The following KCTD5 variants were observed in gnomAD, a reference collection of about 807,000 sequenced individuals.
KCTD5 encodes the protein BTB/POZ domain-containing protein KCTD5.
Under a neutral mutation model 27.9 loss-of-function variants are expected in KCTD5, and 12 were observed. The ratio of observed to expected loss-of-function variants is 0.43; its 90% CI spans 0.28 to 0.70. The LOEUF (loss-of-function observed/expected upper bound fraction) is 0.70. KCTD5 is among the 30% of genes least tolerant of loss of function. The probability of loss-of-function intolerance (pLI) is 0.19; values close to 1 mark genes in which losing one functional copy is unlikely to be tolerated. For missense variants in KCTD5, 226 were observed against 274.8 expected, an observed-to-expected ratio of 0.82 and a Z score of 1.26; for synonymous variants, 147 against 121.4, an observed-to-expected ratio of 1.21 and a Z score of -1.39.
At chr16:2,704,764 C>T (rs1356258869) in intron 5 of KCTD5, among the ~76,000 whole-genome samples, 1 of 152,216 alleles carries the variant, frequency 6.6e-6, no homozygotes, top group Non-Finnish European at 1.5e-5. Context: ...CCCCACCCTC[C>T]CTCCTGCAGC....
intron 5 of KCTD5, among the ~76,000 whole-genome samples, chr16:2,703,569 C>T (rs752997052): frequency 4.5e-4 from 68 of 152,300 alleles, no homozygotes; most frequent in South Asian, 1.7e-3. Context: ...TGAGCCTCTC[C>T]GAGTAGGCCT....
chr16:2,684,788 A>C (rs938425882), intron 1 of KCTD5: 7 of 152,038 alleles, frequency 4.6e-5, no homozygotes, highest in African/African-American at 1.7e-4. Context: ...TAAAAAAAAA[A>C]TAAGCCAGGT....
intron 3 of KCTD5, among the ~76,000 whole-genome samples, chr16:2,698,392 C>T (rs1259240463): frequency 4.6e-5 from 7 of 152,208 alleles, no homozygotes; most frequent in East Asian, 1.9e-4. Context: ...GCAGATGGGT[C>T]GTGTGGGTCT....
rs865817391 is a variant in KCTD5, at chr16:2,688,295, G to C, written c.252+5495G>C. Among the ~76,000 whole-genome samples the C allele has an allele frequency of 7.2e-4, 108 of 150,424 alleles. 3 individuals carry two copies. Among genetic ancestry groups the C allele is most frequent in the Admixed American group, 4.6e-4 (7 of 15,094 alleles). On this transcript the variant is annotated intron_variant, in intron 1 of 5. Transcript: ENST00000301738. ...AGACGGAGTCTTGCTCTGTCCCCCAGGCTGGAGTGTGGTGGGGTGATCTCG... is the reference window on the plus strand; with the variant it reads ...AGACGGAGTCTTGCTCTGTCCCCCACGCTGGAGTGTGGTGGGGTGATCTCG...
Position 2,699,057 on chromosome 16 carries a change from G to A in KCTD5, c.454-764G>A, listed in dbSNP as rs368735694. The A allele has an allele frequency of 2.0e-5, 9 of 447,970 alleles. No individual in the cohort carries two copies. The East Asian group carries it at 2.1e-4, about 10-fold the overall frequency. 27.7% of individuals were successfully genotyped at this position (447,970 alleles called of 1,614,324 possible). A position where few individuals can be genotyped will look rare whatever the true frequency, so the allele number is the denominator to read the frequency against. ...TCGGGCATGTGACCTCGAGGCCACT[G>A]TGTGCCTTTGTCACTCAGGCATCCC... On this transcript the variant is annotated intron_variant, in intron 3 of 5. Transcript: ENST00000301738.
At chr16:2,706,604 T>G (rs906771671) in intron 5 of KCTD5, among the ~76,000 whole-genome samples, 2 of 147,580 alleles carry the variant, frequency 1.4e-5, no homozygotes, top group African/African-American at 5.0e-5. Context: ...AGGGGGTTCC[T>G]GGACACTGGT....
At chr16:2,693,674 C>A (rs1394824432) in intron 1 of KCTD5, among the ~76,000 whole-genome samples, 1 of 152,212 alleles carries the variant, frequency 6.6e-6, no homozygotes, top group South Asian at 2.1e-4. Context: ...TGTCTGGGGG[C>A]GCCCAGCACG....
chr16:2,705,765 G>A (rs562755526), intron 5 of KCTD5, among the ~76,000 whole-genome samples: 21 of 152,312 alleles, frequency 1.4e-4, no homozygotes, highest in South Asian at 6.2e-4. Context: ...ATGGCCTAGG[G>A]AGACAGTGTG....
intron 4 of KCTD5, among the ~76,000 whole-genome samples, chr16:2,701,802 G>A (rs569017992): frequency 6.6e-6 from 1 of 152,350 alleles, no homozygotes; most frequent in East Asian, 1.9e-4. Context: ...CAGATGCCTG[G>A]CCAGAGAGAC....
chr16:2,696,540 C>T (rs540007711), intron 2 of KCTD5, among the ~76,000 whole-genome samples: 190 of 152,092 alleles, frequency 1.2e-3, no homozygotes, highest in African/African-American at 4.5e-3. Context: ...GGTGCAGGGA[C>T]GGCGCCCACA....
chr16:2,699,332 G>A (rs1374858344), intron 3 of KCTD5: 1 of 416,508 alleles, frequency 2.4e-6, no homozygotes, highest in Non-Finnish European at 4.9e-6. Flanking sequence ...TTAGGAGGTG[G>A]ATGGAGTTTT....
chr16:2,689,699 G>C (rs1281591567), intron 1 of KCTD5, among the ~76,000 whole-genome samples: 1 of 149,710 alleles, frequency 6.7e-6, no homozygotes, highest in Non-Finnish European at 1.5e-5. Flanking sequence ...TTTTTTTTGA[G>C]ACAGAGGCTC....
intron 2 of KCTD5, among the ~76,000 whole-genome samples, chr16:2,696,712 G>C (rs561648570): frequency 6.6e-4 from 100 of 152,284 alleles, no homozygotes; most frequent in Non-Finnish European, 1.1e-3. Context: ...ACTGGGCAGC[G>C]TCTGACTCCG....
At chr16:2,704,885 G>A (rs1001638666) in intron 5 of KCTD5, among the ~76,000 whole-genome samples, 4 of 152,162 alleles carry the variant, frequency 2.6e-5, no homozygotes, top group Non-Finnish European at 4.4e-5. Context: ...GAGGCCAGGC[G>A]CCTCTGGACA....
intron 1 of KCTD5, among the ~76,000 whole-genome samples, chr16:2,692,293 G>A (rs1201479526): frequency 6.6e-6 from 1 of 152,188 alleles, no homozygotes; most frequent in Non-Finnish European, 1.5e-5. Flanking sequence ...GAAGAATGAG[G>A]TAGCAGACAA....
chr16:2,699,910 C>G lies in KCTD5; in HGVS notation c.543C>G (p.Phe181Leu). Reference protein sequence around the residue: ...MVSTMSDGWKFEQLVSIGSSY... With the variant: ...MVSTMSDGWKLEQLVSIGSSY... ...CCACCATGTCCGACGGCTGGAAGTT[C>G]GAGCAGGTGAGGGGCCCTGGCCAGC... is the stretch of plus-strand genomic sequence containing the variant. Residue 181 changes from phenylalanine (F) to leucine (L), a missense_variant, in exon 4 of 6, where the codon TTC becomes TTG. Physicochemically the swap from Phe to Leu is conservative, Grantham distance 22. This residue lies in a region of KCTD5 where 135 missense variants were observed against 207.0 expected (regional missense o/e 0.65). Transcript: ENST00000301738. 1 of 1,613,724 alleles carries G rather than the reference C, an allele frequency of 6.2e-7. No homozygotes were observed. Among genetic ancestry groups the G allele is most frequent in the Non-Finnish European group, 8.5e-7 (1 of 1,179,896 alleles).
At chr16:2,704,867 T>A (rs1285391160) in intron 5 of KCTD5, among the ~76,000 whole-genome samples, 1 of 151,552 alleles carries the variant, frequency 6.6e-6, no homozygotes, top group African/African-American at 2.4e-5. Context: ...CTGCCAGGAG[T>A]GGGGCCAGAG....
At chr16:2,702,261 C>T (rs959686247) in intron 4 of KCTD5, 92 bp from the exon 5 acceptor site, 7 of 1,514,180 alleles carry the variant, frequency 4.6e-6, no homozygotes, top group African/African-American at 2.8e-5. Flanking sequence ...GTGGCTTTCG[C>T]GGTGGCAGGC....
At chr16:2,699,622 G>A (rs1044529152) in intron 3 of KCTD5, among the ~76,000 whole-genome samples, 199 bp from the exon 4 acceptor site, 4 of 152,212 alleles carry the variant, frequency 2.6e-5, no homozygotes, top group Non-Finnish European at 4.4e-5. Flanking sequence ...TTTTGGAGGC[G>A]AACGAGGAAG....
Sources: gnomAD v4.1 joint callset for allele counts (sites outside exome capture counted in the v4.1 genomes callset) on GRCh38, gnomAD v4.1.1 for gene constraint, gnomAD v4.1.1 regional missense constraint, MANE v1.5 for transcripts, NCBI Gene and HGNC (gene_info 2026-07-23, HGNC 2026-07-21) for gene names.